The following UBALD2 variants were observed in gnomAD, a reference collection of about 807,000 sequenced individuals.
UBALD2 encodes the protein UBA-like domain-containing protein 2.
Under a neutral mutation model 15.9 loss-of-function variants are expected in UBALD2, and 8 were observed. That is an observed-to-expected ratio of 0.50 (90% CI 0.29 to 0.91). The LOEUF (loss-of-function observed/expected upper bound fraction) is 0.91, where lower values mean the gene tolerates loss of function less well. UBALD2 is among the 40% of genes least tolerant of loss of function. The pLI, the probability that UBALD2 is intolerant of heterozygous loss-of-function variation, is 0.07. For missense variants in UBALD2, 178 were observed against 234.8 expected (o/e 0.76, Z 1.58); for synonymous variants, 113 against 97.7 (o/e 1.16, Z -0.93).
In UBALD2 at chr17:76,265,402, C is replaced by T; in HGVS notation, c.-104C>T. ...GCGGGCGGCGGAGCGGCGGCAGCAG[C>T]GGTGAGCGCGAGCCCCGGAGCCCCG... On this transcript the variant is annotated 5_prime_UTR_variant, in exon 1 of 3. Transcript: ENST00000327490. 1.0e-6 allele frequency: 1 copy of T among 965,008 alleles called. No individual in the cohort carries two copies. The highest frequency in any genetic ancestry group is 1.2e-6 in the Non-Finnish European group (1 of 813,312). The allele number at this position is 965,008 out of a possible 1,614,324, so 59.8% of individuals were successfully genotyped here. A position where few individuals can be genotyped will look rare whatever the true frequency, so the allele number is the denominator to read the frequency against.
rs1164126018 is a variant in UBALD2, at chr17:76,269,041, C to T, written c.184-1153C>T. ...TGAGCCACTGCGCCCTGCCAAAGCT[C>T]CCTCTTTCAAGGTGAAGAGCCCTCA... On this transcript the variant is annotated intron_variant, in intron 2 of 2. Coordinates refer to ENST00000327490, the MANE Select transcript of UBALD2 (RefSeq NM_182565.4). This position sits in a 1 kb window ranked among gnomAD's most constrained non-coding sequence, Gnocchi z 4.6. Among the ~76,000 whole-genome samples the T allele has an allele frequency of 6.6e-6, 1 of 152,144 alleles. No individual in the cohort carries two copies. Among genetic ancestry groups the T allele is most frequent in the African/African-American group, 2.4e-5 (1 of 41,424 alleles).
chr17:76,266,130 G>T (rs893647698), intron 2 of UBALD2, among the ~76,000 whole-genome samples, 161 bp downstream of exon 2: 1 of 152,240 alleles, frequency 6.6e-6, no homozygotes, highest in South Asian at 2.1e-4. Context: ...CAACTTTGAG[G>T]CCCGCCTCCC....
Position 76,270,512 on chromosome 17 carries a change from A to C in UBALD2, c.*7A>C. On this transcript the variant is annotated 3_prime_UTR_variant, in exon 3 of 3. Coordinates refer to ENST00000327490, the MANE Select transcript of UBALD2 (RefSeq NM_182565.4). ...CATGGACGGCCAGAGATGAGACTGG[A>C]CGCCGCCGGGCGCTGGGCTGGAGCT... 1 of 1,443,802 alleles carries C rather than the reference A, an allele frequency of 6.9e-7. No individual in the cohort carries two copies. The highest frequency in any genetic ancestry group is 9.1e-7 in the Non-Finnish European group (1 of 1,102,316). 89.4% of individuals were successfully genotyped at this position (1,443,802 alleles called of 1,614,324 possible). A position where few individuals can be genotyped will look rare whatever the true frequency, so the allele number is the denominator to read the frequency against.
rs1273706945 is a variant in UBALD2 at position 76,270,422 on chromosome 17, C to T, written c.412C>T (p.Arg138Cys). The stretch of plus-strand genomic sequence containing the variant: ...CCCCACCACCTTCCACCACCTCCAC[C>T]GCCCACAGCCCACGTGGCCCCCAGG... ...SSPTTFHHLH[R>C]PQPTWPPGAQ... The change falls in exon 3 of 3, where the codon CGC (arginine) becomes TGC (cysteine). Residue 138 changes from arginine to cysteine, a missense_variant. Arg to Cys is a radical substitution (Grantham distance 180, BLOSUM62 -3). Transcript: ENST00000327490. The T allele has an allele frequency of 1.8e-5, 28 of 1,529,428 alleles. No individual in the cohort carries two copies. Among genetic ancestry groups the T allele is most frequent in the Middle Eastern group, 4.6e-4 (2 of 4,352 alleles). 94.7% of individuals were successfully genotyped at this position (1,529,428 alleles called of 1,614,324 possible).
intron 1 of UBALD2, 71 bp downstream of exon 1, chr17:76,265,696 C>T: frequency 8.4e-7 from 1 of 1,189,422 alleles, no homozygotes. Flanking sequence ...GGGCGGGGAG[C>T]GCTCCTGTTG....
Position 76,270,783 on chromosome 17 carries a change from C to T in UBALD2, c.*278C>T, listed in dbSNP as rs1260946484. On this transcript the variant is annotated 3_prime_UTR_variant, in exon 3 of 3. Transcript: ENST00000327490. ...TATAACTAATGTGCGTGAGAATGGG[C>T]CTGGCACACCTGGGGTGCTCGGGGG... 4.0e-6 allele frequency: 1 copy of T among 250,466 alleles called. No individual in the cohort carries two copies. The highest frequency in any genetic ancestry group is 7.5e-6 in the Non-Finnish European group (1 of 134,118). The allele number at this position is 250,466 out of a possible 1,614,324, so 15.5% of individuals were successfully genotyped here. A position where few individuals can be genotyped will look rare whatever the true frequency, so the allele number is the denominator to read the frequency against.
rs1240026749 is a variant in UBALD2 at position 76,269,075 on chromosome 17, C to T, written c.184-1119C>T. On this transcript the variant is annotated intron_variant, in intron 2 of 2. Coordinates refer to ENST00000327490, the MANE Select transcript of UBALD2 (RefSeq NM_182565.4). This position sits in a 1 kb window ranked among gnomAD's most constrained non-coding sequence, Gnocchi z 4.6. ...AAGGTGAAGAGCCCTCAAGTCGTTCCCCCAACTCCTGCGCCTGGGGGAGGG... is the reference window on the plus strand; with the variant it reads ...AAGGTGAAGAGCCCTCAAGTCGTTCTCCCAACTCCTGCGCCTGGGGGAGGG... Among the ~76,000 whole-genome samples, 3 of 152,130 alleles carry T rather than the reference C, an allele frequency of 2.0e-5. No homozygotes were observed. Among genetic ancestry groups the T allele is most frequent in the Non-Finnish European group, 4.4e-5 (3 of 68,020 alleles).
Position 76,269,835 on chromosome 17 carries a change from G to A in UBALD2, c.184-359G>A, listed in dbSNP as rs990678726. 6.6e-6 allele frequency among the ~76,000 whole-genome samples: 1 copy of A among 152,140 alleles called. No individual in the cohort carries two copies. Among genetic ancestry groups the A allele is most frequent in the African/African-American group, 2.4e-5 (1 of 41,426 alleles). On this transcript the variant is annotated intron_variant, in intron 2 of 2. Transcript: ENST00000327490. The surrounding 1 kb of genome is among the most constrained non-coding windows in gnomAD (Gnocchi z 4.6). ...GGGTGGCTGGTGGGGCAGTCAGCTG[G>A]TCTCCCTGCCCAGGGAAGGTGCGGA...
rs1325174053 is a variant in UBALD2, at chr17:76,269,364, G to T, written c.184-830G>T. ...GGACAGACTGAGAAACTGCCAGCCT[G>T]CAGGCAAGGGCAGGCCAGCTGTGTT... On this transcript the variant is annotated intron_variant, in intron 2 of 2. Coordinates refer to ENST00000327490, the MANE Select transcript of UBALD2 (RefSeq NM_182565.4). This position sits in a 1 kb window ranked among gnomAD's most constrained non-coding sequence, Gnocchi z 4.6. Among the ~76,000 whole-genome samples, 1 of 152,198 alleles carries T rather than the reference G, an allele frequency of 6.6e-6. No individual in the cohort carries two copies. The highest frequency in any genetic ancestry group is 1.5e-5 in the Non-Finnish European group (1 of 68,042).
chr17:76,268,371 A>G (rs2070560008), intron 2 of UBALD2, among the ~76,000 whole-genome samples: 1 of 152,194 alleles, frequency 6.6e-6, no homozygotes, highest in African/African-American at 2.4e-5. Context: ...TTGAGGAGAC[A>G]GGCCTCGCTG....
At position 76,270,138 on chromosome 17, in the gene UBALD2, C is replaced by T. The variant is rs2070574746; in HGVS notation, c.184-56C>T. ...AGCGGCTGGCCTGGGTAAGCCCCATCCAGTGGCTCGGGGACCCCCGAGGCA... is the reference window on the plus strand; with the variant it reads ...AGCGGCTGGCCTGGGTAAGCCCCATTCAGTGGCTCGGGGACCCCCGAGGCA... On this transcript the variant is annotated intron_variant, in intron 2 of 2. Coordinates refer to ENST00000327490, the MANE Select transcript of UBALD2 (RefSeq NM_182565.4). 1.9e-6 allele frequency: 3 copies of T among 1,569,712 alleles called. No individual in the cohort carries two copies. The South Asian group carries it at 3.3e-5, about 18-fold the overall frequency.
At chr17:76,267,743 C>T (rs1202899263) in intron 2 of UBALD2, among the ~76,000 whole-genome samples, 1 of 151,036 alleles carries the variant, frequency 6.6e-6, no homozygotes. Flanking sequence ...CGGCTCACCG[C>T]AACCTTCACC....
At position 76,270,295 on chromosome 17, in the gene UBALD2, C is replaced by T; in HGVS notation, c.285C>T (p.Asn95=). The stretch of plus-strand genomic sequence containing the variant: ...CCTCCGAGGGCCTGCAGAGCAGCAA[C>T]AGCCCCATGACAGCCGCAGCCTGCT... ...LRASEGLQSS[N]SPMTAAACSP... Residue 95 remains asparagine, a synonymous_variant, in exon 3 of 3, where the codon AAC becomes AAT. Transcript: ENST00000327490. 1.2e-6 allele frequency: 2 copies of T among 1,611,174 alleles called. No homozygotes were observed. The highest frequency in any genetic ancestry group is 8.5e-7 in the Non-Finnish European group (1 of 1,179,774).
At chr17:76,265,768 G>A in intron 1 of UBALD2, 139 bp from the exon 2 acceptor site, 1 of 1,376,024 alleles carries the variant, frequency 7.3e-7, no homozygotes, top group Non-Finnish European at 9.5e-7. Flanking sequence ...GCCGGGACCG[G>A]CTCCCCTCTG....
In UBALD2 at chr17:76,269,645, A is replaced by T. The variant is rs2070570661; in HGVS notation, c.184-549A>T. Reference sequence around the variant, plus strand: ...AAAGAGAGGATAATTGAAGCCACTAAGTGTCATTGTTAAGGGAGGCAAAGC... The same window carrying T: ...AAAGAGAGGATAATTGAAGCCACTATGTGTCATTGTTAAGGGAGGCAAAGC... On this transcript the variant is annotated intron_variant, in intron 2 of 2. Coordinates refer to ENST00000327490, the MANE Select transcript of UBALD2 (RefSeq NM_182565.4). The surrounding 1 kb of genome is among the most constrained non-coding windows in gnomAD (Gnocchi z 4.6). 6.6e-6 allele frequency among the ~76,000 whole-genome samples: 1 copy of T among 152,208 alleles called. No individual in the cohort carries two copies. The highest frequency in any genetic ancestry group is 1.5e-5 in the Non-Finnish European group (1 of 68,030).
rs927235584 is a variant in UBALD2 at position 76,265,367 on chromosome 17, CGGCGGCGGAGCG to C, written c.-125_-114del. The C allele has an allele frequency of 1.9e-3, 1,614 of 852,494 alleles. No individual in the cohort carries two copies. The highest frequency in any genetic ancestry group is 5.4e-3 in the Admixed American group (86 of 15,902). The allele number at this position is 852,494 out of a possible 1,614,324, so 52.8% of individuals were successfully genotyped here. A position where few individuals can be genotyped will look rare whatever the true frequency, so the allele number is the denominator to read the frequency against. On this transcript the variant is annotated 5_prime_UTR_variant, in exon 1 of 3. Transcript: ENST00000327490. ...CGAACCACAACATTCGCCGGGCGGG[CGGCGGCGGAGCG>C]GGCGGCGGAGCGGCGGCAGCAGCGG... is the stretch of plus-strand genomic sequence containing the variant.
intron 2 of UBALD2, among the ~76,000 whole-genome samples, chr17:76,268,392 A>AACTGGGGAAGTCGGTC (rs937984360): frequency 6.6e-6 from 1 of 151,852 alleles, no homozygotes; most frequent in Non-Finnish European, 1.5e-5. Context: ...GCTGGCGGGG[A>AACTGGGGAAGTCGGTC]ACTGGGGAAG....
rs764190325 is a variant in UBALD2 at position 76,265,881 on chromosome 17, C to G, written c.121-26C>G. 3.8e-6 allele frequency: 6 copies of G among 1,595,300 alleles called. No homozygotes were observed. The South Asian group carries it at 4.5e-5, about 12-fold the overall frequency. ...CGTTTCCTGACTCCGCCTGGCCCGCCGTGTCACTGCCCTGTTTGTCCGCAG... is the reference window on the plus strand; with the variant it reads ...CGTTTCCTGACTCCGCCTGGCCCGCGGTGTCACTGCCCTGTTTGTCCGCAG... On this transcript the variant is annotated intron_variant, in intron 1 of 2. Coordinates refer to ENST00000327490, the MANE Select transcript of UBALD2 (RefSeq NM_182565.4).
In UBALD2 at chr17:76,265,886, C is replaced by T. The variant is rs753856117; in HGVS notation, c.121-21C>T. Reference sequence around the variant, plus strand: ...CCTGACTCCGCCTGGCCCGCCGTGTCACTGCCCTGTTTGTCCGCAGACCGC... The same window carrying T: ...CCTGACTCCGCCTGGCCCGCCGTGTTACTGCCCTGTTTGTCCGCAGACCGC... On this transcript the variant is annotated intron_variant, in intron 1 of 2. Coordinates refer to ENST00000327490, the MANE Select transcript of UBALD2 (RefSeq NM_182565.4). 3.1e-6 allele frequency: 5 copies of T among 1,598,846 alleles called. No homozygotes were observed. In the Admixed American group the frequency reaches 8.6e-5, roughly 27 times the overall value.
Sources: allele counts gnomAD v4.1 joint callset (sites outside exome capture counted in the v4.1 genomes callset), GRCh38; gene constraint gnomAD v4.1.1; non-coding constraint Gnocchi (gnomAD v3.1); transcripts MANE v1.5; gene names NCBI Gene and HGNC (gene_info 2026-07-23, HGNC 2026-07-21).